The following ALKBH3 variants were observed in gnomAD, a reference collection of about 807,000 sequenced individuals.
ALKBH3 encodes alkB homolog 3, alpha-ketoglutarate dependent dioxygenase.
In ALKBH3, 51 loss-of-function variants were observed where a neutral mutation model predicts 43.9. The ratio of observed to expected loss-of-function variants is 1.16; its 90% confidence interval spans 0.93 to 1.47. ALKBH3 has a LOEUF of 1.47. Ranked by LOEUF, ALKBH3 falls within the 40% of genes most tolerant of loss-of-function variation. ALKBH3 has a pLI of 0.00. For synonymous variants in ALKBH3, 102 were observed against 115.2 expected, an observed-to-expected ratio of 0.89 and a Z score of 0.73; for missense variants, 361 against 351.9, an observed-to-expected ratio of 1.03 and a Z score of -0.21.
At chr11:43,903,261 A>G (rs1372539702) in intron 8 of ALKBH3, among the ~76,000 whole-genome samples, 2 of 152,188 alleles carry the variant, frequency 1.3e-5, no homozygotes, top group African/African-American at 4.8e-5. Flanking sequence ...CTTGAGAATC[A>G]GACAAACCAG....
chr11:43,886,626 T>G lies in ALKBH3; in HGVS notation c.239T>G (p.Ile80Ser), dbSNP rs1367758614. 9.3e-6 allele frequency: 15 copies of G among 1,614,024 alleles called. No individual in the cohort carries two copies. Among genetic ancestry groups the G allele is most frequent in the African/African-American group, 1.3e-5 (1 of 74,910 alleles). Residue 80 changes from isoleucine to serine, a missense_variant, in exon 5 of 10, where the codon ATC becomes AGC. Coordinates refer to ENST00000302708, the MANE Select transcript of ALKBH3 (RefSeq NM_139178.4). ...RVIDREGVYE[I>S]SLSPTGVSRV... is the part of the protein sequence containing the mutation. ...TTTAGCAGAGAGGGTGTGTATGAAA[T>G]CAGCCTGTCACCCACAGGTGTATCT...
intron 7 of ALKBH3, chr11:43,899,149 A>G (rs1951842267): frequency 1.3e-5 from 10 of 782,856 alleles, no homozygotes; most frequent in Admixed American, 5.2e-5. Context: ...CAGCCACCCA[A>G]AAAGGACTCC....
intron 8 of ALKBH3, among the ~76,000 whole-genome samples, chr11:43,904,956 A>G (rs1951886106): frequency 6.6e-6 from 1 of 152,012 alleles, no homozygotes; most frequent in Admixed American, 6.6e-5. Context: ...TTCAGGGTTT[A>G]TTAGAGGTTG....
intron 3 of ALKBH3, 57 bp from the exon 4 acceptor site, chr11:43,883,926 C>A: frequency 6.3e-7 from 1 of 1,592,926 alleles, no homozygotes; most frequent in South Asian, 1.1e-5. Context: ...TATGGTAAGT[C>A]AGTATCCTTG....
intron 7 of ALKBH3, among the ~76,000 whole-genome samples, chr11:43,896,856 T>C (rs11037718): frequency 0.18 from 27,585 of 152,212 alleles, 2,818 homozygotes; most frequent in South Asian, 0.33. Flanking sequence ...TGACCAGTGG[T>C]TGATGTTACA....
At chr11:43,899,020 A>C in intron 7 of ALKBH3, 1 of 751,700 alleles carries the variant, frequency 1.3e-6, no homozygotes, top group Admixed American at 1.7e-5. Flanking sequence ...AGCATCTTCA[A>C]AGGAGCCCCA....
chr11:43,892,416 T>C (rs1463509800), intron 7 of ALKBH3, among the ~76,000 whole-genome samples: 1 of 152,228 alleles, frequency 6.6e-6, no homozygotes, highest in African/African-American at 2.4e-5. Flanking sequence ...GTATTCCTTC[T>C]GTGTACACCC....
intron 6 of ALKBH3, among the ~76,000 whole-genome samples, chr11:43,890,757 G>T (rs368369577): frequency 6.6e-6 from 1 of 152,048 alleles, no homozygotes; most frequent in African/African-American, 2.4e-5. Flanking sequence ...CCAGCTACTC[G>T]GGAGGCTGAG....
intron 8 of ALKBH3, among the ~76,000 whole-genome samples, chr11:43,911,848 C>T (rs962014051): frequency 1.5e-4 from 23 of 152,256 alleles, no homozygotes; most frequent in African/African-American, 5.5e-4. Flanking sequence ...AGCGGCCAGG[C>T]GCCGTGGCTC....
chr11:43,891,135 C>T (rs1056579474), intron 6 of ALKBH3, among the ~76,000 whole-genome samples: 2 of 152,118 alleles, frequency 1.3e-5, no homozygotes, highest in Non-Finnish European at 2.9e-5. Flanking sequence ...ATTTTTGTTA[C>T]TCATGCATCA....
chr11:43,899,276 C>T, intron 7 of ALKBH3: 1 of 714,838 alleles, frequency 1.4e-6, no homozygotes. Flanking sequence ...AGAAGGCGTG[C>T]AGGGCTCGCA....
intron 7 of ALKBH3, chr11:43,899,601 C>T (rs574002146): frequency 3.7e-4 from 197 of 538,886 alleles, no homozygotes; most frequent in Non-Finnish European, 5.8e-4. Context: ...AGGAGATGGC[C>T]GCCCCTCCTC....
intron 8 of ALKBH3, among the ~76,000 whole-genome samples, chr11:43,904,944 C>T (rs1312485716): frequency 1.3e-5 from 2 of 151,986 alleles, no homozygotes; most frequent in Admixed American, 6.6e-5. Context: ...GTCACCGAGA[C>T]GTTCAGGGTT....
chr11:43,898,122 G>T, intron 7 of ALKBH3: 1 of 1,135,960 alleles, frequency 8.8e-7, no homozygotes, highest in Non-Finnish European at 1.3e-6. Flanking sequence ...CTGAGCCCGT[G>T]GTGGGCATCC....
chr11:43,898,603 T>C, intron 7 of ALKBH3: 1 of 744,782 alleles, frequency 1.3e-6, no homozygotes, highest in Non-Finnish European at 2.5e-6. Flanking sequence ...TATCAGCTCA[T>C]GGACCTGCCT....
intron 8 of ALKBH3, among the ~76,000 whole-genome samples, chr11:43,911,464 T>G (rs560166327): frequency 2.6e-5 from 4 of 152,172 alleles, no homozygotes; most frequent in Non-Finnish European, 5.9e-5. Context: ...GCCTGAGGCT[T>G]CCAAATGTTA....
chr11:43,888,038 C>G (rs1951758436), intron 5 of ALKBH3, among the ~76,000 whole-genome samples: 1 of 150,764 alleles, frequency 6.6e-6, no homozygotes, highest in Non-Finnish European at 1.5e-5. Context: ...ACCTCGTGAT[C>G]CACCTGCCTT....
chr11:43,885,379 T>C (rs1023302070), intron 4 of ALKBH3, among the ~76,000 whole-genome samples: 2 of 152,246 alleles, frequency 1.3e-5, no homozygotes, highest in African/African-American at 2.4e-5. Context: ...TTATAGACGA[T>C]GCATGTAGTA....
At chr11:43,901,765 T>G in intron 8 of ALKBH3, 40 bp downstream of exon 8, 2 of 1,603,130 alleles carry the variant, frequency 1.2e-6, no homozygotes, top group East Asian at 4.5e-5. Context: ...CTGCCTCTTA[T>G]TAGTCTGTGG....
Sources: gnomAD v4.1 joint callset for allele counts (sites outside exome capture counted in the v4.1 genomes callset) on GRCh38, gnomAD v4.1.1 for gene constraint, MANE v1.5 for transcripts, NCBI Gene and HGNC (gene_info 2026-07-23, HGNC 2026-07-21) for gene names.